PRKCB: variants seen among roughly 807,000 people sequenced by gnomAD.
PRKCB encodes protein kinase C beta, also known as protein kinase C beta type.
PRKCB carries 13 observed loss-of-function variants against 81.5 expected under a neutral mutation model. The observed-to-expected ratio is 0.16, with a 90% CI of 0.10 to 0.25. The LOEUF (loss-of-function observed/expected upper bound fraction) is 0.25. PRKCB is among the 10% of genes least tolerant of loss of function. The pLI is 1.00. For synonymous variants in PRKCB, 335 were observed against 321.4 expected, an observed-to-expected ratio of 1.04 and a Z score of -0.45; for missense variants, 509 against 875.7, an observed-to-expected ratio of 0.58 and a Z score of 5.29.
At chr16:23,883,422 G>A (rs1046426400) in intron 2 of PRKCB, among the ~76,000 whole-genome samples, 1 of 152,164 alleles carries the variant, frequency 6.6e-6, no homozygotes, top group African/African-American at 2.4e-5. Flanking sequence ...CGTGGTGGGT[G>A]TGGGGCCAGA....
At chr16:23,961,284 C>A (rs1244904551) in intron 2 of PRKCB, among the ~76,000 whole-genome samples, 1 of 152,150 alleles carries the variant, frequency 6.6e-6, no homozygotes, top group African/African-American at 2.4e-5. Flanking sequence ...GACAGAAAAT[C>A]TGACTCAAAT....
intron 3 of PRKCB, among the ~76,000 whole-genome samples, chr16:23,993,743 A>T (rs1964920035): frequency 6.6e-6 from 1 of 152,206 alleles, no homozygotes; most frequent in African/African-American, 2.4e-5. Context: ...GTTAAAGGCA[A>T]GGTAGGTGCG....
chr16:23,950,132 A>ATTTTTTTT (rs34117735), intron 2 of PRKCB, among the ~76,000 whole-genome samples: 4 of 97,772 alleles, frequency 4.1e-5, no homozygotes, highest in African/African-American at 1.7e-4. Flanking sequence ...TATGATTTGA[A>ATTTTTTTT]TTTTTTTTTT....
chr16:23,989,215 C>T (rs893286400), intron 3 of PRKCB, among the ~76,000 whole-genome samples: 9 of 152,304 alleles, frequency 5.9e-5, no homozygotes, highest in Non-Finnish European at 8.8e-5. Context: ...TCCGCCGCCT[C>T]GGCCTCCCAA....
intron 9 of PRKCB, among the ~76,000 whole-genome samples, chr16:24,128,518 T>G (rs1966848492): frequency 6.6e-6 from 1 of 152,218 alleles, no homozygotes; most frequent in African/African-American, 2.4e-5. Flanking sequence ...TAAGCCCGTT[T>G]CAAAATCTTT....
intron 2 of PRKCB, among the ~76,000 whole-genome samples, chr16:23,860,882 G>A (rs370368167): frequency 7.2e-5 from 11 of 152,092 alleles, no homozygotes; most frequent in African/African-American, 2.7e-4. Flanking sequence ...CTCTAGCCTA[G>A]GCAACAGAAT....
At chr16:23,836,436 G>C in intron 1 of PRKCB, 88 bp downstream of exon 1, 2 of 1,369,094 alleles carry the variant, frequency 1.5e-6, no homozygotes, top group Non-Finnish European at 1.9e-6. Flanking sequence ...TGCGCCCTCC[G>C]CGCCCTCCGC....
rs533741115 is a variant in PRKCB, at chr16:23,908,208, G to C, written c.205+70802G>C. ...GGAGATTGGTGAGAGCTGGGGCGGC[G>C]GGGATTCTTTATGACAGTGCTGCAG... is the stretch of plus-strand genomic sequence containing the variant. On this transcript the variant is annotated intron_variant, in intron 2 of 16. Coordinates refer to ENST00000643927, the MANE Select transcript of PRKCB (RefSeq NM_002738.7). 8.5e-5 allele frequency among the ~76,000 whole-genome samples: 13 copies of C among 152,218 alleles called. No individual in the cohort carries two copies. The South Asian group carries it at 2.7e-3, about 32-fold the overall frequency.
chr16:24,101,546 A>G lies in PRKCB; in HGVS notation c.821+7249A>G, dbSNP rs537765802. On this transcript the variant is annotated intron_variant, in intron 7 of 16. Coordinates refer to ENST00000643927, the MANE Select transcript of PRKCB (RefSeq NM_002738.7). ...GGAGAAAGACCCTGTCTCAAAGTAA[A>G]TAAAGAAACAAATACAAATAAAAAA... 1.3e-4 allele frequency among the ~76,000 whole-genome samples: 20 copies of G among 152,388 alleles called. No homozygotes were observed. The South Asian group carries it at 3.7e-3, about 28-fold the overall frequency.
intron 8 of PRKCB, among the ~76,000 whole-genome samples, chr16:24,116,030 A>C (rs1165398941): frequency 3.9e-5 from 6 of 152,134 alleles, no homozygotes; most frequent in African/African-American, 1.4e-4. Flanking sequence ...TTTAGCATTT[A>C]TCCCAAGAGC....
At chr16:24,109,222 G>A (rs1159449221) in intron 7 of PRKCB, among the ~76,000 whole-genome samples, 1 of 109,794 alleles carries the variant, frequency 9.1e-6, no homozygotes, top group African/African-American at 3.6e-5. Flanking sequence ...TCGCTTCCCA[G>A]TAGGGGCGGC....
At chr16:23,852,010 T>A (rs1006718606) in intron 2 of PRKCB, among the ~76,000 whole-genome samples, 1 of 152,206 alleles carries the variant, frequency 6.6e-6, no homozygotes, top group Non-Finnish European at 1.5e-5. Context: ...TTCTAACAGC[T>A]TTTTTAGTGG....
At chr16:23,896,904 C>A (rs1448506557) in intron 2 of PRKCB, among the ~76,000 whole-genome samples, 1 of 151,706 alleles carries the variant, frequency 6.6e-6, no homozygotes, top group Non-Finnish European at 1.5e-5. Flanking sequence ...ATCCATCCAT[C>A]CATCCATCCA....
intron 2 of PRKCB, among the ~76,000 whole-genome samples, chr16:23,907,578 T>A (rs991544632): frequency 6.6e-6 from 1 of 152,082 alleles, no homozygotes; most frequent in Non-Finnish European, 1.5e-5. Context: ...AACAGACCGT[T>A]GATTAGATGC....
rs189473325 is a variant in PRKCB, at chr16:24,070,364, G to T, written c.530-22427G>T. ...GATTTTTGCCATCTTGGCCAGGCTG[G>T]TCTCAAACTCCTGACCTCAAGTGAT... On this transcript the variant is annotated intron_variant, in intron 5 of 16. Coordinates refer to ENST00000643927, the MANE Select transcript of PRKCB (RefSeq NM_002738.7). 7.9e-3 allele frequency among the ~76,000 whole-genome samples: 1,202 copies of T among 152,036 alleles called. 17 individuals carry two copies. Among genetic ancestry groups the T allele is most frequent in the Middle Eastern group, 0.017 (5 of 294 alleles).
chr16:23,899,949 A>G (rs1963444092), intron 2 of PRKCB, among the ~76,000 whole-genome samples: 1 of 152,058 alleles, frequency 6.6e-6, no homozygotes, highest in African/African-American at 2.4e-5. Context: ...AGCCTCCCAA[A>G]GTGCAGGGAT....
intron 16 of PRKCB, among the ~76,000 whole-genome samples, chr16:24,193,524 C>G (rs182297394): frequency 6.6e-6 from 1 of 151,948 alleles, no homozygotes; most frequent in Admixed American, 6.6e-5. Flanking sequence ...GTTGCCCAGG[C>G]TAGTCTCAAA....
intron 8 of PRKCB, among the ~76,000 whole-genome samples, chr16:24,120,948 C>G (rs1966792808): frequency 1.3e-5 from 2 of 152,118 alleles, no homozygotes; most frequent in South Asian, 4.2e-4. Context: ...ATCACTCAGC[C>G]CACGTGCTGG....
In PRKCB at chr16:24,083,398, C is replaced by G. The variant is rs144169166; in HGVS notation, c.530-9393C>G. 3.1e-3 allele frequency among the ~76,000 whole-genome samples: 475 copies of G among 152,288 alleles called. 2 individuals are homozygous for G. The highest frequency in any genetic ancestry group is 4.5e-3 in the Non-Finnish European group (304 of 68,014). The stretch of plus-strand genomic sequence containing the variant: ...ACAAGAACCCGTGAGTATATCAGCT[C>G]TATTTGTAATCACTAAAATTTGAAG... On this transcript the variant is annotated intron_variant, in intron 5 of 16. Coordinates refer to ENST00000643927, the MANE Select transcript of PRKCB (RefSeq NM_002738.7).
Sources: gnomAD v4.1 joint callset for allele counts (sites outside exome capture counted in the v4.1 genomes callset) on GRCh38, gnomAD v4.1.1 for gene constraint, MANE v1.5 for transcripts, NCBI Gene and HGNC (gene_info 2026-07-23, HGNC 2026-07-21) for gene names.